Variants in ANK3 observed in about 807,000 individuals in gnomAD.
ANK3 encodes the protein ankyrin 3, also known as ankyrin-3.
ANK3 carries 57 observed loss-of-function variants against 370.9 expected under a neutral mutation model. That is an observed-to-expected ratio of 0.15 (90% CI 0.12 to 0.19). The LOEUF (loss-of-function observed/expected upper bound fraction) is 0.19. Among genes scored for constraint, ANK3 ranks in the 10% least tolerant of loss-of-function variants. The pLI is 1.00. For missense variants in ANK3, 4,439 were observed against 5,302.1 expected, an observed-to-expected ratio of 0.84 and a Z score of 5.06; for synonymous variants, 1,929 against 1,946.3, an observed-to-expected ratio of 0.99 and a Z score of 0.23.
intron 1 of ANK3, among the ~76,000 whole-genome samples, chr10:60,626,292 A>G (rs1175110734): frequency 1.3e-5 from 2 of 152,210 alleles, no homozygotes; most frequent in Non-Finnish European, 2.9e-5. Context: ...AGACATTTTA[A>G]AAAACAAATT....
chr10:60,160,457 G>T (rs2095469931), intron 23 of ANK3, among the ~76,000 whole-genome samples: 1 of 152,068 alleles, frequency 6.6e-6, no homozygotes, highest in Non-Finnish European at 1.5e-5. Flanking sequence ...TGGCTTTACT[G>T]CTGAAATCTA....
rs746686497 is a variant in ANK3 at position 60,074,872 on chromosome 10, T to C, written c.6009A>G (p.Gln2003=). 6.2e-7 allele frequency: 1 copy of C among 1,613,826 alleles called. No individual in the cohort carries two copies. Among genetic ancestry groups the C allele is most frequent in the Non-Finnish European group, 8.5e-7 (1 of 1,179,950 alleles). ...GAGATGGAGACTGGCTCGCAGCAGCTTGTTGTCTGGCTTCCCGGATTTCTT... is the reference window on the plus strand; with the variant it reads ...GAGATGGAGACTGGCTCGCAGCAGCCTGTTGTCTGGCTTCCCGGATTTCTT... The part of the protein sequence containing the change: ...SSEEIREARQ[Q]AAASQSPSLP... The change falls in exon 37 of 44, where the codon CAA becomes CAG. Residue 2003 remains glutamine, a synonymous_variant. Coordinates refer to ENST00000280772, the MANE Select transcript of ANK3 (RefSeq NM_020987.5).
chr10:60,647,642 A>G (rs2133358181), intron 1 of ANK3, among the ~76,000 whole-genome samples: 1 of 152,124 alleles, frequency 6.6e-6, no homozygotes, highest in Admixed American at 6.5e-5. Context: ...AAAGTTTTAT[A>G]ATATGTCCTG....
At chr10:60,351,998 T>C (rs2056958244) in intron 1 of ANK3, among the ~76,000 whole-genome samples, 1 of 152,198 alleles carries the variant, frequency 6.6e-6, no homozygotes, top group Non-Finnish European at 1.5e-5. Context: ...GAATTCTGTA[T>C]TAAAATAAAT....
chr10:60,503,140 T>C (rs903471222), intron 2 of ANK3, among the ~76,000 whole-genome samples: 21 of 152,328 alleles, frequency 1.4e-4, no homozygotes, highest in Non-Finnish European at 2.8e-4. Context: ...TGCTGCTCTT[T>C]AAACTTTTTA....
intron 23 of ANK3, chr10:60,144,045 CT>C (rs1390890109): frequency 3.8e-6 from 1 of 262,538 alleles, no homozygotes; most frequent in Non-Finnish European, 7.5e-6. Context: ...GGTGTCAGAC[CT>C]TTGAATGAAG....
At chr10:60,694,891 A>G (rs1379589843) in intron 1 of ANK3, among the ~76,000 whole-genome samples, 2 of 149,296 alleles carry the variant, frequency 1.3e-5, no homozygotes, top group Middle Eastern at 3.4e-3. Context: ...AAATTCACAC[A>G]TAACAATATT....
intron 28 of ANK3, among the ~76,000 whole-genome samples, chr10:60,088,917 T>C (rs995386193): frequency 1.3e-5 from 2 of 152,210 alleles, no homozygotes; most frequent in African/African-American, 4.8e-5. Flanking sequence ...TTTTGCCACC[T>C]GTGGATAAAT....
chr10:60,051,464 C>T, intron 42 of ANK3: 1 of 983,132 alleles, frequency 1.0e-6, no homozygotes. Flanking sequence ...AATGATCCAG[C>T]TACAGGATAC....
chr10:60,255,418 C>A (rs1418540465), intron 7 of ANK3, among the ~76,000 whole-genome samples: 1 of 152,198 alleles, frequency 6.6e-6, no homozygotes, highest in East Asian at 1.9e-4. Context: ...GAGCCAGGCA[C>A]ATGGTAAGCA....
rs188580472 is a variant in ANK3, at chr10:60,048,990, G to A, written c.13066-6231C>T. Among the ~76,000 whole-genome samples the A allele has an allele frequency of 3.5e-4, 54 of 152,250 alleles. 1 individual carries two copies. The East Asian group carries it at 0.01, about 28-fold the overall frequency. On this transcript the variant is annotated intron_variant, in intron 42 of 43. Coordinates refer to ENST00000280772, the MANE Select transcript of ANK3 (RefSeq NM_020987.5). ...CACCATATACTATTATAGTCCTCAA[G>A]CTCTTTTCCATTAGAAAGATAGATA...
intron 1 of ANK3, among the ~76,000 whole-genome samples, chr10:60,324,561 T>C (rs1476467545): frequency 6.6e-6 from 1 of 152,180 alleles, no homozygotes; most frequent in Non-Finnish European, 1.5e-5. Context: ...TCTCACAGAA[T>C]CCATGCAATC....
intron 2 of ANK3, among the ~76,000 whole-genome samples, chr10:60,586,332 A>G (rs983600909): frequency 2.6e-5 from 4 of 152,332 alleles, no homozygotes; most frequent in Non-Finnish European, 5.9e-5. Context: ...TTTCAATGTC[A>G]GAGCAGAAAC....
rs752579946 is a variant in ANK3, at chr10:60,186,887, G to A, written c.1913C>T (p.Ala638Val). 7.4e-6 allele frequency: 12 copies of A among 1,614,000 alleles called. No individual in the cohort carries two copies. Among genetic ancestry groups the A allele is most frequent in the Admixed American group, 1.7e-5 (1 of 59,994 alleles). The part of the protein sequence containing the change: ...AKNGYTPLHI[A>V]AKKNQMDIAT... ...TATGTCCATCTGGTTCTTTTTGGCAGCGATGTGCAGTGGCGTATAACCATT... is the reference window on the plus strand; with the variant it reads ...TATGTCCATCTGGTTCTTTTTGGCAACGATGTGCAGTGGCGTATAACCATT... The change falls in exon 17 of 44, where the codon GCT (alanine) becomes GTT (valine). Residue 638 changes from alanine to valine, a missense_variant. By Grantham distance (64) the Ala-to-Val change is moderately conservative. Coordinates refer to ENST00000280772, the MANE Select transcript of ANK3 (RefSeq NM_020987.5).
chr10:60,396,899 G>A (rs114927583), intron 2 of ANK3, among the ~76,000 whole-genome samples: 1,538 of 152,270 alleles, frequency 0.01, 20 homozygotes, highest in African/African-American at 0.035. Flanking sequence ...ACGCTGTGAT[G>A]CTGAAATACA....
intron 1 of ANK3, among the ~76,000 whole-genome samples, chr10:60,365,902 T>C (rs989471710): frequency 1.3e-5 from 2 of 151,514 alleles, no homozygotes; most frequent in African/African-American, 4.9e-5. Context: ...GCAGTGAGAG[T>C]GGTAACAGTA....
At chr10:60,550,896 C>A (rs1030606721) in intron 2 of ANK3, among the ~76,000 whole-genome samples, 2 of 152,004 alleles carry the variant, frequency 1.3e-5, no homozygotes, top group Admixed American at 6.6e-5. Flanking sequence ...TCAACCATAT[C>A]ATTCCAAATA....
intron 2 of ANK3, among the ~76,000 whole-genome samples, chr10:60,520,502 C>T (rs1052573923): frequency 1.3e-5 from 2 of 152,074 alleles, no homozygotes; most frequent in Non-Finnish European, 2.9e-5. Flanking sequence ...GAAAAGAAGT[C>T]ATGAAATAAG....
At chr10:60,648,765 C>T (rs2078746251) in intron 1 of ANK3, among the ~76,000 whole-genome samples, 1 of 31,824 alleles carries the variant, frequency 3.1e-5, no homozygotes, top group Non-Finnish European at 7.4e-5. Flanking sequence ...ATAAGACTGT[C>T]TTAAAAAAAA....
Sources: allele counts gnomAD v4.1 joint callset (sites outside exome capture counted in the v4.1 genomes callset), GRCh38; gene constraint gnomAD v4.1.1; transcripts MANE v1.5; gene names NCBI Gene and HGNC (gene_info 2026-07-23, HGNC 2026-07-21).